The following RRM2 variants were observed in gnomAD, a reference collection of about 807,000 sequenced individuals.
The protein encoded by RRM2 is ribonucleotide reductase regulatory subunit M2.
A neutral mutation model predicts 45.9 loss-of-function variants in RRM2; 6 were observed. The ratio of observed to expected loss-of-function variants is 0.13; its 90% CI spans 0.07 to 0.26. The LOEUF (loss-of-function observed/expected upper bound fraction) is 0.26. Ranked by LOEUF, RRM2 falls within the 10% of genes least tolerant of loss-of-function variation. The pLI is 1.00. For synonymous variants in RRM2, 177 were observed against 173.0 expected (o/e 1.02, Z -0.18); for missense variants, 343 against 489.5 (o/e 0.70, Z 2.82).
At chr2:10,154,418 G>C (rs555793403) in intron 3 of RRM2, among the ~76,000 whole-genome samples, 1 of 113,810 alleles carries the variant, frequency 8.8e-6, no homozygotes, top group South Asian at 3.5e-4. Flanking sequence ...TGGTTGGGTG[G>C]GGGGTGGGCG....
intron 3 of RRM2, among the ~76,000 whole-genome samples, chr2:10,182,354 C>T (rs185514637): frequency 1.1e-3 from 169 of 149,180 alleles, no homozygotes; most frequent in African/African-American, 4.1e-3. Flanking sequence ...TCAAAACAAA[C>T]AAACAAACAA....
chr2:10,160,772 C>G (rs553282687), intron 3 of RRM2, among the ~76,000 whole-genome samples: 2 of 152,334 alleles, frequency 1.3e-5, no homozygotes, highest in Non-Finnish European at 2.9e-5. Flanking sequence ...CACCATGCAG[C>G]CCACTGTATT....
intron 3 of RRM2, among the ~76,000 whole-genome samples, chr2:10,177,829 C>G (rs980686343): frequency 1.3e-5 from 2 of 151,632 alleles, no homozygotes; most frequent in Admixed American, 1.3e-4. Context: ...ACTATGTTGA[C>G]CAGGCTGGTC....
intron 3 of RRM2, chr2:10,155,231 T>G (rs958435049): frequency 8.0e-6 from 2 of 248,614 alleles, no homozygotes; most frequent in African/African-American, 4.7e-5. Flanking sequence ...ATTAGCAAGT[T>G]TACATTCATG....
At position 10,126,974 on chromosome 2, in the gene RRM2, G is replaced by C. The variant is rs1662792712; in HGVS notation, c.664+5G>C. On this transcript the variant is annotated splice_donor_5th_base_variant and intron_variant, in intron 6 of 9. Transcript: ENST00000304567. ...GGGACAAAGAGGCTACCTATGGTAA[G>C]GAGACCCTTGCCCCTACTTAAACCT... 1.9e-6 allele frequency: 3 copies of C among 1,613,816 alleles called. No individual in the cohort carries two copies. The South Asian group carries it at 3.3e-5, about 18-fold the overall frequency.
At chr2:10,125,846 A>G (rs1294567483) in intron 5 of RRM2, among the ~76,000 whole-genome samples, 3 of 152,142 alleles carry the variant, frequency 2.0e-5, no homozygotes, top group Non-Finnish European at 4.4e-5. Flanking sequence ...AGATTTGAAC[A>G]TGTTTATAGG....
At chr2:10,138,788 G>C (rs548068411), upstream of RRM2, among the ~76,000 whole-genome samples, 2 of 152,114 alleles carry the variant, frequency 1.3e-5, no homozygotes, top group Non-Finnish European at 2.9e-5. Flanking sequence ...ACTTTTTCAC[G>C]TGCCATTCAG....
chr2:10,161,596 C>T (rs1205464245), intron 3 of RRM2, among the ~76,000 whole-genome samples: 1 of 151,970 alleles, frequency 6.6e-6, no homozygotes, highest in African/African-American at 2.4e-5. Flanking sequence ...TCCAACACAG[C>T]CACACACACA....
intron 3 of RRM2, among the ~76,000 whole-genome samples, chr2:10,146,718 G>A (rs1358214462): frequency 1.3e-5 from 2 of 152,206 alleles, no homozygotes; most frequent in Non-Finnish European, 2.9e-5. Context: ...GGTAAGCCCC[G>A]GGAAGGGTAG....
At chr2:10,175,234 TCA>T (rs1342720731) in intron 3 of RRM2, among the ~76,000 whole-genome samples, 1 of 152,176 alleles carries the variant, frequency 6.6e-6, no homozygotes, top group African/African-American at 2.4e-5. Context: ...CTAGCCACAC[TCA>T]CACTCTCTTC....
downstream of RRM2, among the ~76,000 whole-genome samples, chr2:10,134,285 TC>T (rs1662952894): frequency 6.6e-6 from 1 of 151,860 alleles, no homozygotes; most frequent in Non-Finnish European, 1.5e-5. Context: ...GTAGCAGCTC[TC>T]CGAGTGGTTG....
At chr2:10,144,863 C>A (rs1663156616) in intron 3 of RRM2, among the ~76,000 whole-genome samples, 1 of 152,140 alleles carries the variant, frequency 6.6e-6, no homozygotes, top group African/African-American at 2.4e-5. Flanking sequence ...CCTAGCTGCC[C>A]ACTGGGGGAA....
chr2:10,207,125 C>T (rs760812168), intron 3 of RRM2, among the ~76,000 whole-genome samples: 10 of 152,208 alleles, frequency 6.6e-5, no homozygotes, highest in Non-Finnish European at 1.3e-4. Context: ...CCTCCTGGGA[C>T]TTTGGCCTCT....
At chr2:10,144,308 C>G (rs886904243) in intron 3 of RRM2, among the ~76,000 whole-genome samples, 2 of 152,226 alleles carry the variant, frequency 1.3e-5, no homozygotes, top group Non-Finnish European at 2.9e-5. Context: ...GTCTCAGATA[C>G]GCTTGCTAAT....
chr2:10,131,885 C>T (rs1326424021), downstream of RRM2, among the ~76,000 whole-genome samples: 1 of 152,232 alleles, frequency 6.6e-6, no homozygotes, highest in Non-Finnish European at 1.5e-5. Context: ...AACTGCCATA[C>T]TGCACGTGGG....
intron 3 of RRM2, among the ~76,000 whole-genome samples, chr2:10,199,807 A>AAAAAAAAAAAAAAAC (rs1558406259): frequency 6.8e-6 from 1 of 147,858 alleles, no homozygotes; most frequent in African/African-American, 2.5e-5. Context: ...AAAAAAAAAA[A>AAAAAAAAAAAAAAAC]AACAAATCAT....
At chr2:10,177,663 TTTCCTTCCTTCCTTCC>T (rs138844800) in intron 3 of RRM2, among the ~76,000 whole-genome samples, 2,336 of 141,242 alleles carry the variant, frequency 0.017, 35 homozygotes, top group South Asian at 0.041. Context: ...CTTCTTTCCT[TTTCCTTCCTTCCTTCC>T]TTCCTTCCTT....
intron 1 of RRM2, chr2:10,141,711 A>G (rs1343473900): frequency 8.2e-7 from 1 of 1,220,872 alleles, no homozygotes; most frequent in Non-Finnish European, 1.1e-6. Flanking sequence ...CTTGGGAAGG[A>G]AAGAGCAGGT....
chr2:10,132,413 G>A (rs1410432140), downstream of RRM2, among the ~76,000 whole-genome samples: 1 of 152,160 alleles, frequency 6.6e-6, no homozygotes, highest in Admixed American at 6.5e-5. Context: ...CTCATGGGGG[G>A]AGATGATGTT....
Sources: allele counts gnomAD v4.1 joint callset (sites outside exome capture counted in the v4.1 genomes callset), GRCh38; gene constraint gnomAD v4.1.1; transcripts MANE v1.5; gene names NCBI Gene and HGNC (gene_info 2026-07-23, HGNC 2026-07-21).